NR6A1: variants seen among roughly 807,000 people sequenced by gnomAD.
NR6A1 encodes the protein nuclear receptor subfamily 6 group A member 1.
NR6A1 carries 7 observed loss-of-function variants against 59.1 expected under a neutral mutation model. That is an observed-to-expected ratio of 0.12 (90% CI 0.07 to 0.22). The LOEUF (loss-of-function observed/expected upper bound fraction) is 0.22. Among genes scored for constraint, NR6A1 ranks in the 10% least tolerant of loss-of-function variants. NR6A1 has a pLI of 1.00. For missense variants in NR6A1, 468 were observed against 611.6 expected, an observed-to-expected ratio of 0.77 and a Z score of 2.48; for synonymous variants, 243 against 236.1, an observed-to-expected ratio of 1.03 and a Z score of -0.27.
chr9:124,534,859 A>C (rs904529366), intron 7 of NR6A1, among the ~76,000 whole-genome samples: 3 of 152,222 alleles, frequency 2.0e-5, no homozygotes, highest in Non-Finnish European at 4.4e-5. Context: ...GACCGGGCGC[A>C]GTGGCTCACG....
chr9:124,647,961 G>A (rs2130915308), intron 2 of NR6A1, among the ~76,000 whole-genome samples: 1 of 151,770 alleles, frequency 6.6e-6, no homozygotes, highest in African/African-American at 2.4e-5. Context: ...ATTCTAAAAG[G>A]CCATCCTTAC....
chr9:124,760,309 C>T (rs1308942210), intron 1 of NR6A1, among the ~76,000 whole-genome samples: 2 of 150,422 alleles, frequency 1.3e-5, no homozygotes, highest in African/African-American at 4.9e-5. Context: ...GAGACTCCAA[C>T]TAAAAAAAAA....
At position 124,771,250 on chromosome 9, in the gene NR6A1, G is replaced by C. The variant is rs907610680; in HGVS notation, c.-131C>G. 1.3e-4 allele frequency: 58 copies of C among 459,658 alleles called. No individual in the cohort carries two copies. The highest frequency in any genetic ancestry group is 1.8e-4 in the Non-Finnish European group (50 of 283,180). 28.5% of individuals were successfully genotyped at this position (459,658 alleles called of 1,614,324 possible). ...GAGCTCCCGGCCGCGGCTCTCTCTG[G>C]GCCCCGAGCCGCCCGGCTCCGCGCC... On this transcript the variant is annotated 5_prime_UTR_variant, in exon 1 of 10. Coordinates refer to ENST00000487099, the MANE Select transcript of NR6A1 (RefSeq NM_033334.4).
chr9:124,540,222 C>T (rs1416863625), intron 4 of NR6A1, 35 bp from the exon 5 acceptor site: 4 of 1,595,374 alleles, frequency 2.5e-6, no homozygotes, highest in Admixed American at 3.4e-5. Flanking sequence ...TAGATGGGTG[C>T]TCAGGACACT....
chr9:124,537,303 C>T lies in NR6A1; in HGVS notation c.824+789G>A, dbSNP rs138741089. 1.0e-3 allele frequency among the ~76,000 whole-genome samples: 158 copies of T among 152,236 alleles called. 1 individual carries two copies. In the East Asian group the frequency reaches 0.025, roughly 24 times the overall value. Reference sequence around the variant, plus strand: ...CGGGGTTTCACCATGTTGGCCAGCTCGTCTGGAACTCGTGACCTGGTGATC... The same window carrying T: ...CGGGGTTTCACCATGTTGGCCAGCTTGTCTGGAACTCGTGACCTGGTGATC... On this transcript the variant is annotated intron_variant, in intron 6 of 9. Transcript: ENST00000487099.
At chr9:124,599,233 A>C (rs556507691) in intron 2 of NR6A1, 1 of 449,834 alleles carries the variant, frequency 2.2e-6, no homozygotes, top group East Asian at 4.8e-5. Context: ...ACCTGAGGTC[A>C]GGAGTTTGAG....
chr9:124,567,306 A>C (rs923040851), intron 2 of NR6A1, among the ~76,000 whole-genome samples: 1 of 152,046 alleles, frequency 6.6e-6, no homozygotes, highest in Non-Finnish European at 1.5e-5. Flanking sequence ...GAATGTGGAG[A>C]AGCAGCAGCA....
Position 124,527,649 on chromosome 9 carries a change from CAG to C in NR6A1, c.1080-751_1080-750del. 3.3e-5 allele frequency among the ~76,000 whole-genome samples: 5 copies of C among 152,304 alleles called. 1 individual carries two copies. Among genetic ancestry groups the C allele is most frequent in the Admixed American group, 3.3e-4 (5 of 15,304 alleles). ...GTCCACAAATACAGTTAATTGGTGA[CAG>C]AGTAGGAATTTGGAACCTGAACCCA... On this transcript the variant is annotated intron_variant, in intron 7 of 9. Coordinates refer to ENST00000487099, the MANE Select transcript of NR6A1 (RefSeq NM_033334.4).
At chr9:124,728,750 AG>A (rs145749904) in intron 2 of NR6A1, among the ~76,000 whole-genome samples, 3,609 of 152,282 alleles carry the variant, frequency 0.024, 114 homozygotes, top group East Asian at 0.096. Flanking sequence ...ACTAGTTCAC[AG>A]GGTTTGGAAG....
chr9:124,726,875 T>A (rs1839737063), intron 2 of NR6A1, among the ~76,000 whole-genome samples: 1 of 152,228 alleles, frequency 6.6e-6, no homozygotes, highest in African/African-American at 2.4e-5. Context: ...TTTGCTCTGG[T>A]CAGTTACAGG....
At position 124,518,146 on chromosome 9, in the gene NR6A1, C is replaced by T. The variant is rs1043882700; in HGVS notation, c.*4559G>A. On this transcript the variant is annotated 3_prime_UTR_variant, in exon 10 of 10. Coordinates refer to ENST00000487099, the MANE Select transcript of NR6A1 (RefSeq NM_033334.4). ...GGCTCTGACCTTACTCACCGCCTCC[C>T]TTTGAGCCTACAGTTGATTCCTGTG... 2.7e-5 allele frequency: 4 copies of T among 149,826 alleles called. No homozygotes were observed. Among genetic ancestry groups the T allele is most frequent in the African/African-American group, 9.9e-5 (4 of 40,436 alleles). The allele number at this position is 149,826 out of a possible 1,614,324, so 9.3% of individuals were successfully genotyped here. A position where few individuals can be genotyped will look rare whatever the true frequency, so the allele number is the denominator to read the frequency against.
intron 2 of NR6A1, among the ~76,000 whole-genome samples, chr9:124,639,857 TAAAGAG>T (rs1425500274): frequency 1.3e-5 from 2 of 152,122 alleles, no homozygotes; most frequent in African/African-American, 4.8e-5. Context: ...TGGAGTGTGT[TAAAGAG>T]AGAAAGGAAG....
chr9:124,767,221 A>G (rs182431973), intron 1 of NR6A1, among the ~76,000 whole-genome samples: 78 of 152,364 alleles, frequency 5.1e-4, no homozygotes, highest in Non-Finnish European at 9.3e-4. Context: ...GAAATTTACC[A>G]GCAGTTATTT....
intron 2 of NR6A1, chr9:124,599,590 G>A: frequency 8.6e-7 from 1 of 1,160,408 alleles, no homozygotes; most frequent in Non-Finnish European, 1.1e-6. Context: ...TGAGGGCGCG[G>A]CGGCGGCGGC....
chr9:124,675,837 G>C (rs1006884929), intron 2 of NR6A1, among the ~76,000 whole-genome samples: 1 of 152,146 alleles, frequency 6.6e-6, no homozygotes, highest in African/African-American at 2.4e-5. Context: ...ACTCAATCCA[G>C]AACATCTGGA....
intron 2 of NR6A1, among the ~76,000 whole-genome samples, chr9:124,640,258 C>T (rs1836732779): frequency 1.3e-5 from 2 of 152,180 alleles, no homozygotes; most frequent in South Asian, 4.1e-4. Flanking sequence ...ATTCTGCTAC[C>T]TATTACTCAG....
At chr9:124,665,014 A>C (rs1484057243) in intron 2 of NR6A1, among the ~76,000 whole-genome samples, 2 of 149,054 alleles carry the variant, frequency 1.3e-5, no homozygotes, top group Non-Finnish European at 3.0e-5. Flanking sequence ...TATCTCCAAA[A>C]AAAAAAAAAA....
chr9:124,550,375 A>ATTT lies in NR6A1; in HGVS notation c.385+3950_385+3952dup, dbSNP rs58594452. On this transcript the variant is annotated intron_variant, in intron 3 of 9. Coordinates refer to ENST00000487099, the MANE Select transcript of NR6A1 (RefSeq NM_033334.4). The stretch of plus-strand genomic sequence containing the variant: ...TATTACTGTGATGTTCTAATGGTGA[A>ATTT]TTTTTTTTTTTTTTTTTTTTTTTGG... 1.1e-3 allele frequency among the ~76,000 whole-genome samples: 132 copies of ATTT among 117,584 alleles called. 1 individual carries two copies. The highest frequency in any genetic ancestry group is 1.6e-3 in the African/African-American group (50 of 30,576). 77.1% of individuals were successfully genotyped at this position (117,584 alleles called of 152,430 possible). A position where few individuals can be genotyped will look rare whatever the true frequency, so the allele number is the denominator to read the frequency against.
At chr9:124,727,978 T>TGCAG (rs1839771926) in intron 2 of NR6A1, among the ~76,000 whole-genome samples, 1 of 151,662 alleles carries the variant, frequency 6.6e-6, no homozygotes, top group South Asian at 2.1e-4. Context: ...CCACCATGCC[T>TGCAG]GGCCTAATGA....
Sources: allele counts gnomAD v4.1 joint callset (sites outside exome capture counted in the v4.1 genomes callset), GRCh38; gene constraint gnomAD v4.1.1; transcripts MANE v1.5; gene names NCBI Gene and HGNC (gene_info 2026-07-23, HGNC 2026-07-21).